PDE4B: variants seen among roughly 807,000 people sequenced by gnomAD.
PDE4B encodes phosphodiesterase 4B, also known as 3',5'-cyclic-AMP phosphodiesterase 4B.
In PDE4B, 20 loss-of-function variants were observed where a neutral mutation model predicts 82.2. The observed-to-expected ratio is 0.24, with a 90% CI of 0.17 to 0.35. The LOEUF is 0.35. Ranked by LOEUF, PDE4B falls within the 10% of genes least tolerant of loss-of-function variation. The probability of loss-of-function intolerance (pLI) is 1.00; values close to 1 mark genes in which losing one functional copy is unlikely to be tolerated. For synonymous variants in PDE4B, 320 were observed against 318.9 expected (o/e 1.00, Z -0.04); for missense variants, 655 against 907.2 (o/e 0.72, Z 3.57).
chr1:66,324,469 C>T (rs1659612552), intron 7 of PDE4B, among the ~76,000 whole-genome samples: 1 of 151,950 alleles, frequency 6.6e-6, no homozygotes, highest in Non-Finnish European at 1.5e-5. Flanking sequence ...TAATTTCTCT[C>T]TTGGGGTTAT....
At chr1:66,229,603 CT>C (rs1354149832) in intron 3 of PDE4B, among the ~76,000 whole-genome samples, 1 of 152,162 alleles carries the variant, frequency 6.6e-6, no homozygotes, top group Non-Finnish European at 1.5e-5. Context: ...CACATGAGAA[CT>C]TTTGGGTCTC....
intron 3 of PDE4B, among the ~76,000 whole-genome samples, chr1:66,200,956 C>G (rs1648868882): frequency 6.6e-6 from 1 of 152,016 alleles, no homozygotes; most frequent in Non-Finnish European, 1.5e-5. Flanking sequence ...AGTTTTTGCC[C>G]ATTCAGTATG....
intron 3 of PDE4B, among the ~76,000 whole-genome samples, chr1:66,226,136 T>C (rs963519937): frequency 3.3e-5 from 5 of 152,252 alleles, no homozygotes; most frequent in African/African-American, 1.2e-4. Context: ...TTTTTTAACT[T>C]AATTTTTTAA....
intron 3 of PDE4B, among the ~76,000 whole-genome samples, chr1:66,049,196 T>C (rs1654884649): frequency 6.6e-6 from 1 of 152,046 alleles, no homozygotes; most frequent in South Asian, 2.1e-4. Context: ...CACTACTCTT[T>C]GCCTCAGTTT....
At chr1:65,851,091 G>C (rs1313412437) in intron 1 of PDE4B, among the ~76,000 whole-genome samples, 1 of 152,080 alleles carries the variant, frequency 6.6e-6, no homozygotes, top group African/African-American at 2.4e-5. Context: ...ATTTCCCATT[G>C]AATTAGTTTA....
chr1:65,927,491 T>C (rs1176381406), intron 3 of PDE4B, among the ~76,000 whole-genome samples: 2 of 147,588 alleles, frequency 1.4e-5, no homozygotes, highest in Non-Finnish European at 3.0e-5. Flanking sequence ...ATATATAATA[T>C]GTATTATATA....
At chr1:65,925,100 T>C (rs1647426058) in intron 3 of PDE4B, among the ~76,000 whole-genome samples, 1 of 152,240 alleles carries the variant, frequency 6.6e-6, no homozygotes, top group African/African-American at 2.4e-5. Context: ...AGAATAGTTA[T>C]TTTACCCTTT....
chr1:66,035,368 C>T (rs994702473), intron 3 of PDE4B, among the ~76,000 whole-genome samples: 1 of 152,036 alleles, frequency 6.6e-6, no homozygotes, highest in Non-Finnish European at 1.5e-5. Context: ...TCTGAAATAT[C>T]TGCTACATTA....
At chr1:66,339,833 T>G (rs1025929739) in intron 8 of PDE4B, among the ~76,000 whole-genome samples, 10 of 133,956 alleles carry the variant, frequency 7.5e-5, no homozygotes, top group African/African-American at 2.7e-4. Flanking sequence ...AGTTTTTTTT[T>G]GTTTGTTTTT....
intron 3 of PDE4B, among the ~76,000 whole-genome samples, chr1:66,203,103 A>G (rs896725958): frequency 1.3e-5 from 2 of 151,442 alleles, no homozygotes; most frequent in African/African-American, 4.9e-5. Flanking sequence ...TCCTTCACTT[A>G]TGAAGCTTAG....
intron 6 of PDE4B, among the ~76,000 whole-genome samples, chr1:66,265,630 G>A (rs752974453): frequency 1.3e-5 from 2 of 152,148 alleles, no homozygotes; most frequent in Non-Finnish European, 2.9e-5. Context: ...GTGATTGATC[G>A]CCAAGGGTTC....
At chr1:66,339,693 T>C (rs1343628770) in intron 8 of PDE4B, among the ~76,000 whole-genome samples, 2 of 152,198 alleles carry the variant, frequency 1.3e-5, no homozygotes, top group East Asian at 3.8e-4. Flanking sequence ...ATAATAGTTA[T>C]GTTTAGATTG....
intron 3 of PDE4B, among the ~76,000 whole-genome samples, chr1:66,224,574 G>A (rs902084563): frequency 1.8e-4 from 28 of 152,108 alleles, no homozygotes; most frequent in Admixed American, 5.2e-4. Context: ...AAAAACTTAC[G>A]TGGGCACTGT....
At chr1:66,279,754 A>C (rs867561356) in intron 7 of PDE4B, among the ~76,000 whole-genome samples, 1 of 152,200 alleles carries the variant, frequency 6.6e-6, no homozygotes, top group African/African-American at 2.4e-5. Context: ...AAATCTATAG[A>C]GCAGAAAGTA....
chr1:66,123,278 T>G (rs1409236268), intron 3 of PDE4B, among the ~76,000 whole-genome samples: 1 of 152,168 alleles, frequency 6.6e-6, no homozygotes. Context: ...ATTCTAACAG[T>G]TTTGGCAAAA....
intron 1 of PDE4B, among the ~76,000 whole-genome samples, chr1:65,800,076 T>TG (rs150510194): frequency 6.6e-6 from 1 of 152,308 alleles, no homozygotes; most frequent in Admixed American, 6.5e-5. Flanking sequence ...CTGTATATAC[T>TG]GGGGGGATTT....
intron 7 of PDE4B, among the ~76,000 whole-genome samples, chr1:66,307,767 G>A (rs1658384283): frequency 6.6e-6 from 1 of 152,042 alleles, no homozygotes; most frequent in Non-Finnish European, 1.5e-5. Flanking sequence ...TCAGGTGGTG[G>A]TGAGTACCGG....
chr1:66,304,387 C>A (rs1332332659), intron 7 of PDE4B, among the ~76,000 whole-genome samples: 4 of 152,108 alleles, frequency 2.6e-5, no homozygotes, highest in Admixed American at 6.6e-5. Context: ...TAAAAATACA[C>A]CTATCAATTC....
chr1:66,281,880 ACACT>A (rs1656324596), intron 7 of PDE4B, among the ~76,000 whole-genome samples: 2 of 152,310 alleles, frequency 1.3e-5, no homozygotes, highest in East Asian at 1.9e-4. Context: ...TAGTATAAAG[ACACT>A]CACTCAGCTT....
Sources: allele counts gnomAD v4.1 joint callset (sites outside exome capture counted in the v4.1 genomes callset), GRCh38; gene constraint gnomAD v4.1.1; transcripts MANE v1.5; gene names NCBI Gene and HGNC (gene_info 2026-07-23, HGNC 2026-07-21).